The following FYN variants were observed in gnomAD, a reference collection of about 807,000 sequenced individuals.
The protein encoded by FYN is FYN proto-oncogene, Src family tyrosine kinase.
Under a neutral mutation model 70.2 loss-of-function variants are expected in FYN, and 10 were observed. That is an observed-to-expected ratio of 0.14 (90% CI 0.09 to 0.24). FYN has a LOEUF of 0.24. FYN is among the 10% of genes least tolerant of loss of function. FYN has a pLI of 1.00. For synonymous variants in FYN, 236 were observed against 248.6 expected, an observed-to-expected ratio of 0.95 and a Z score of 0.48; for missense variants, 319 against 673.1, an observed-to-expected ratio of 0.47 and a Z score of 5.82.
chr6:111,720,195 G>T, intron 3 of FYN, 133 bp from the exon 4 acceptor site: 1 of 1,005,632 alleles, frequency 9.9e-7, no homozygotes. Flanking sequence ...ATGAGGAAAG[G>T]CAGTGGCTGG....
intron 2 of FYN, chr6:111,813,792 CTA>C (rs1235663997): frequency 2.0e-5 from 3 of 152,220 alleles, no homozygotes; most frequent in Non-Finnish European, 4.4e-5. Flanking sequence ...GAGATGTTCA[CTA>C]TGTGGTAAGA....
At chr6:111,758,047 T>C (rs1802820660) in intron 3 of FYN, among the ~76,000 whole-genome samples, 1 of 152,230 alleles carries the variant, frequency 6.6e-6, no homozygotes, top group African/African-American at 2.4e-5. Flanking sequence ...AATAAAAACA[T>C]GGTTATCTGA....
chr6:111,855,716 G>A (rs1399335182), intron 1 of FYN, among the ~76,000 whole-genome samples: 1 of 152,108 alleles, frequency 6.6e-6, no homozygotes, highest in Admixed American at 6.5e-5. Context: ...AAAAAGTTTG[G>A]GTGTATTCTG....
At chr6:111,759,387 T>C (rs776453602) in intron 3 of FYN, among the ~76,000 whole-genome samples, 4 of 152,152 alleles carry the variant, frequency 2.6e-5, no homozygotes, top group Non-Finnish European at 5.9e-5. Context: ...TTTATGCTTG[T>C]CTCATCCTTA....
chr6:111,735,872 T>C (rs183965881), intron 3 of FYN, among the ~76,000 whole-genome samples: 44 of 152,334 alleles, frequency 2.9e-4, no homozygotes, highest in Admixed American at 2.2e-3. Flanking sequence ...AAACCATAAA[T>C]GGCTGCAGAG....
In FYN at chr6:111,812,604, C is replaced by CTTTT. The variant is rs369326017; in HGVS notation, c.-81-31973_-81-31970dup. Reference sequence around the variant, plus strand: ...GGAGGTAATTAAATCAGAAATTTTCCTTTTTTTTTTTTTTTTTTTTTTTTT... The same window carrying CTTTT: ...GGAGGTAATTAAATCAGAAATTTTCCTTTTTTTTTTTTTTTTTTTTTTTTTTTTT... On this transcript the variant is annotated intron_variant, in intron 2 of 13. Transcript: ENST00000354650. 2.6e-3 allele frequency among the ~76,000 whole-genome samples: 267 copies of CTTTT among 101,314 alleles called. 4 individuals carry two copies. Among genetic ancestry groups the CTTTT allele is most frequent in the Non-Finnish European group, 4.6e-3 (218 of 47,124 alleles). The allele number at this position is 101,314 out of a possible 152,430, so 66.5% of individuals were successfully genotyped here. A position where few individuals can be genotyped will look rare whatever the true frequency, so the allele number is the denominator to read the frequency against.
intron 3 of FYN, among the ~76,000 whole-genome samples, chr6:111,721,384 T>C (rs1800933172): frequency 6.6e-6 from 1 of 152,188 alleles, no homozygotes; most frequent in African/African-American, 2.4e-5. Flanking sequence ...GAGTGAAGAT[T>C]CTGTAGCCTA....
At chr6:111,849,483 A>G (rs9400511) in intron 1 of FYN, among the ~76,000 whole-genome samples, 4,617 of 152,330 alleles carry the variant, frequency 0.03, 111 homozygotes, top group East Asian at 0.13. Flanking sequence ...CAAAGCAACC[A>G]GTACACAGTC....
At chr6:111,728,167 CAA>C (rs1801276286) in intron 3 of FYN, among the ~76,000 whole-genome samples, 1 of 152,130 alleles carries the variant, frequency 6.6e-6, no homozygotes, top group South Asian at 2.1e-4. Context: ...AGGGTTAAGA[CAA>C]GAGTGAAATG....
At chr6:111,847,794 A>G (rs981660243) in intron 1 of FYN, among the ~76,000 whole-genome samples, 1 of 152,218 alleles carries the variant, frequency 6.6e-6, no homozygotes, top group Non-Finnish European at 1.5e-5. Flanking sequence ...GAGAATTTGA[A>G]ACTCATATAT....
intron 2 of FYN, among the ~76,000 whole-genome samples, chr6:111,800,900 A>G (rs1238605812): frequency 1.3e-5 from 2 of 152,232 alleles, no homozygotes; most frequent in Non-Finnish European, 2.9e-5. Flanking sequence ...ATGGCAAATG[A>G]CTAACTTCCA....
intron 8 of FYN, among the ~76,000 whole-genome samples, chr6:111,702,159 T>C (rs946102313): frequency 6.6e-6 from 1 of 152,178 alleles, no homozygotes; most frequent in African/African-American, 2.4e-5. Context: ...ATGTATTATA[T>C]AGTGGCATAT....
intron 3 of FYN, among the ~76,000 whole-genome samples, chr6:111,772,407 A>C (rs567819728): frequency 6.6e-6 from 1 of 152,304 alleles, no homozygotes; most frequent in Admixed American, 6.5e-5. Flanking sequence ...GATGAAAGGA[A>C]GGCTGGAGCA....
rs572789367 is a variant in FYN, at chr6:111,824,358, G to A, written c.-82+22231C>T. On this transcript the variant is annotated intron_variant, in intron 2 of 13. Transcript: ENST00000354650. ...TACTTTGAAATGATTTTCCTCCCAA[G>A]GTAACTAATACATTCTCAGGCATGT... Among the ~76,000 whole-genome samples the A allele has an allele frequency of 5.3e-5, 8 of 152,202 alleles. 1 individual carries two copies. The South Asian group carries it at 1.2e-3, about 24-fold the overall frequency.
chr6:111,865,595 C>T (rs984083290), intron 1 of FYN, among the ~76,000 whole-genome samples: 1 of 152,176 alleles, frequency 6.6e-6, no homozygotes, highest in Non-Finnish European at 1.5e-5. Context: ...TCAGGCTTCT[C>T]ATGTGTTTTA....
intron 2 of FYN, among the ~76,000 whole-genome samples, chr6:111,827,205 A>T (rs771978708): frequency 5.9e-5 from 9 of 152,236 alleles, no homozygotes; most frequent in Non-Finnish European, 1.3e-4. Flanking sequence ...GATCAGTAGC[A>T]GCTTTCATCT....
intron 4 of FYN, among the ~76,000 whole-genome samples, chr6:111,716,818 C>T (rs1242490356): frequency 6.3e-5 from 9 of 143,660 alleles, no homozygotes; most frequent in African/African-American, 2.3e-4. Flanking sequence ...GAGTTTCACT[C>T]TTGTCGCCCA....
chr6:111,744,221 G>A (rs1166535454), intron 3 of FYN, among the ~76,000 whole-genome samples: 3 of 152,212 alleles, frequency 2.0e-5, no homozygotes, highest in East Asian at 1.9e-4. Context: ...TAGCTGTCTC[G>A]TCTTAGCACT....
chr6:111,681,090 C>T (rs1798761549), intron 12 of FYN, among the ~76,000 whole-genome samples: 1 of 150,074 alleles, frequency 6.7e-6, no homozygotes, highest in Non-Finnish European at 1.5e-5. Flanking sequence ...TGCAGTGGTG[C>T]AATCTTGACT....
Sources: gnomAD v4.1 joint callset for allele counts (sites outside exome capture counted in the v4.1 genomes callset) on GRCh38, gnomAD v4.1.1 for gene constraint, MANE v1.5 for transcripts, NCBI Gene and HGNC (gene_info 2026-07-23, HGNC 2026-07-21) for gene names.